The following TGIF1 variants were observed in gnomAD, a reference collection of about 807,000 sequenced individuals.
TGIF1 encodes homeobox protein TGIF1.
TGIF1 carries 4 observed loss-of-function variants against 19.3 expected under a neutral mutation model. That is an observed-to-expected ratio of 0.21 (90% CI 0.10 to 0.47). The LOEUF is 0.47. TGIF1 is among the 20% of genes least tolerant of loss of function. TGIF1 has a pLI of 0.98. For missense variants in TGIF1, 275 were observed against 341.4 expected, an observed-to-expected ratio of 0.81 and a Z score of 1.53; for synonymous variants, 122 against 129.3, an observed-to-expected ratio of 0.94 and a Z score of 0.38.
At chr18:3,450,610 G>T in intron 1 of TGIF1, 105 bp downstream of exon 1, 2 of 1,543,644 alleles carry the variant, frequency 1.3e-6, no homozygotes, top group Non-Finnish European at 1.7e-6. Flanking sequence ...CCGCCCAGGG[G>T]CTCTCATGCT....
Position 3,456,102 on chromosome 18 carries a change from G to T in TGIF1, c.17-252G>T. The T allele has an allele frequency of 1.8e-6, 1 of 549,052 alleles. No individual in the cohort carries two copies. Among genetic ancestry groups the T allele is most frequent in the Non-Finnish European group, 3.3e-6 (1 of 304,296 alleles). The allele number at this position is 549,052 out of a possible 1,614,324, so 34.0% of individuals were successfully genotyped here. On this transcript the variant is annotated intron_variant, in intron 1 of 2. Coordinates refer to ENST00000343820, the MANE Select transcript of TGIF1 (RefSeq NM_003244.4). The surrounding 1 kb of genome is among the most constrained non-coding windows in gnomAD (Gnocchi z 4.2). ...TTTCTGACCATCATTCAAAAGGAAT[G>T]TGAGAAGTTAATGAATCCTAGAGGA...
chr18:3,432,069 A>G (rs2067423619), intron 2 of TGIF1, among the ~76,000 whole-genome samples: 1 of 150,194 alleles, frequency 6.7e-6, no homozygotes, highest in South Asian at 2.1e-4. Context: ...CGGAGATTAC[A>G]GTGAGCCGAG....
chr18:3,443,996 A>ACGATCT (rs1358552796), intron 2 of TGIF1, among the ~76,000 whole-genome samples: 8 of 147,812 alleles, frequency 5.4e-5, no homozygotes, highest in African/African-American at 2.0e-4. Context: ...CTGCAGTGGC[A>ACGATCT]CGATCTCGGC....
chr18:3,447,866 CCCCTTCT>C, upstream of TGIF1: 1 of 1,584,964 alleles, frequency 6.3e-7, no homozygotes, highest in Non-Finnish European at 8.7e-7. Flanking sequence ...CCGCCCCTCC[CCCCTTCT>C]CCTGGAAAGT....
At chr18:3,437,017 A>G (rs2082622747) in intron 2 of TGIF1, among the ~76,000 whole-genome samples, 1 of 152,116 alleles carries the variant, frequency 6.6e-6, no homozygotes, top group Non-Finnish European at 1.5e-5. Flanking sequence ...AGGCACGAGA[A>G]TGGCCTGACC....
chr18:3,454,648 A>C (rs145630616), intron 1 of TGIF1, among the ~76,000 whole-genome samples: 24 of 152,346 alleles, frequency 1.6e-4, no homozygotes, highest in African/African-American at 5.8e-4. Flanking sequence ...AAGTAGTTTC[A>C]GTTTTAAATG....
chr18:3,414,691 C>T (rs1409944523), intron 1 of TGIF1, among the ~76,000 whole-genome samples: 3 of 152,292 alleles, frequency 2.0e-5, no homozygotes, highest in East Asian at 3.9e-4. Context: ...CTCAACATTC[C>T]TTTCAAATAT....
chr18:3,448,682 A>G (rs1240423118), upstream of TGIF1: 1 of 953,322 alleles, frequency 1.0e-6, no homozygotes, highest in Non-Finnish European at 1.2e-6. Context: ...GGCTTTTTAA[A>G]CTCTGGCCTC....
At chr18:3,427,573 G>A (rs2082488701) in intron 2 of TGIF1, among the ~76,000 whole-genome samples, 2 of 151,578 alleles carry the variant, frequency 1.3e-5, no homozygotes, top group African/African-American at 4.8e-5. Flanking sequence ...TTACAGGCGT[G>A]AGCCACTGTG....
chr18:3,427,602 CTTTT>C (rs60164860), intron 2 of TGIF1, among the ~76,000 whole-genome samples: 1 of 137,384 alleles, frequency 7.3e-6, no homozygotes. Context: ...AGAATATATT[CTTTT>C]TTTTTTTTTT....
exon 1 of TGIF1, chr18:3,412,169 C>CCCCGCCGCGGTTCCGGT (rs2082279617): frequency 2.0e-5 from 3 of 152,148 alleles, no homozygotes; most frequent in East Asian, 1.9e-4. Flanking sequence ...GCGGTTCCGG[C>CCCCGCCGCGGTTCCGGT]CCCGCCGCGA....
intron 1 of TGIF1, chr18:3,415,544 C>T: frequency 2.6e-6 from 1 of 384,858 alleles, no homozygotes; most frequent in South Asian, 2.0e-5. Flanking sequence ...TTAGAGCCCG[C>T]AGACCAGGAC....
chr18:3,427,009 C>G (rs1462195375), intron 2 of TGIF1, among the ~76,000 whole-genome samples: 1 of 151,022 alleles, frequency 6.6e-6, no homozygotes, highest in African/African-American at 2.4e-5. Context: ...CTGCAACCTC[C>G]GCCTCCCGGG....
rs868610906 is a variant in TGIF1 at position 3,452,110 on chromosome 18, C to T, written c.16+1605C>T. On this transcript the variant is annotated intron_variant, in intron 1 of 2. Coordinates refer to ENST00000343820, the MANE Select transcript of TGIF1 (RefSeq NM_003244.4). ...GGGAATCCCCAGTGCTCCTTTTCCA[C>T]GGCTTTTCTGGCGTCCCCCCGACTC... is the stretch of plus-strand genomic sequence containing the variant. 6.8e-6 allele frequency: 11 copies of T among 1,613,816 alleles called. No individual in the cohort carries two copies. The African/African-American group carries it at 9.3e-5, about 14-fold the overall frequency.
chr18:3,412,529 C>T (rs1205251315), intron 1 of TGIF1, among the ~76,000 whole-genome samples: 1 of 152,206 alleles, frequency 6.6e-6, no homozygotes. Context: ...TCTAAACGAG[C>T]ACGCATAGGG....
At position 3,450,434 on chromosome 18, in the gene TGIF1, C is replaced by A. The variant is rs2082868457; in HGVS notation, c.-56C>A. On this transcript the variant is annotated 5_prime_UTR_variant, in exon 1 of 3. Transcript: ENST00000343820. ...GACGTTCGCTTATCCCCTGTGTCCC[C>A]GCTCCTGGCCCCTCCAGACCCCCGC... is the stretch of plus-strand genomic sequence containing the variant. 5.2e-6 allele frequency: 8 copies of A among 1,551,870 alleles called. No individual in the cohort carries two copies. The highest frequency in any genetic ancestry group is 1.7e-4 in the Middle Eastern group (1 of 5,988).
upstream of TGIF1, among the ~76,000 whole-genome samples, chr18:3,445,760 A>C (rs1213453704): frequency 4.1e-5 from 4 of 96,850 alleles, no homozygotes; most frequent in Non-Finnish European, 6.0e-5. Flanking sequence ...AAAAGAGAAG[A>C]AAAGCAAAAA....
chr18:3,412,541 A>AG (rs769878649), intron 1 of TGIF1, among the ~76,000 whole-genome samples: 65 of 152,220 alleles, frequency 4.3e-4, no homozygotes, highest in Non-Finnish European at 8.4e-4. Flanking sequence ...CGCATAGGGA[A>AG]AATGCACTCT....
rs899547430 is a variant in TGIF1, at chr18:3,457,123, G to T, written c.244-242G>T. On this transcript the variant is annotated intron_variant, in intron 2 of 2. Transcript: ENST00000343820. This position sits in a 1 kb window ranked among gnomAD's most constrained non-coding sequence, Gnocchi z 4.9. ...ATGTCTTTTTCTTCGTCCTGAAAAG[G>T]TTTAAGTATGAAGAGACAAAAAAGG... is the stretch of plus-strand genomic sequence containing the variant. 6 of 595,630 alleles carry T rather than the reference G, an allele frequency of 1.0e-5. No individual in the cohort carries two copies. In the Admixed American group the frequency reaches 1.8e-4, roughly 18 times the overall value. The allele number at this position is 595,630 out of a possible 1,614,324, so 36.9% of individuals were successfully genotyped here. A position where few individuals can be genotyped will look rare whatever the true frequency, so the allele number is the denominator to read the frequency against.
Sources: allele counts gnomAD v4.1 joint callset (sites outside exome capture counted in the v4.1 genomes callset), GRCh38; gene constraint gnomAD v4.1.1; non-coding constraint Gnocchi (gnomAD v3.1); transcripts MANE v1.5; gene names NCBI Gene and HGNC (gene_info 2026-07-23, HGNC 2026-07-21).